The following TDRD6 variants were observed in gnomAD, a reference collection of about 807,000 sequenced individuals.
The protein encoded by TDRD6 is tudor domain containing 6, also known as tudor domain-containing protein 6.
TDRD6 carries 186 observed loss-of-function variants against 157.5 expected under a neutral mutation model. That is an observed-to-expected ratio of 1.18 (90% CI 1.05 to 1.33). The LOEUF (loss-of-function observed/expected upper bound fraction) is 1.33, where lower values mean the gene tolerates loss of function less well. Ranked by LOEUF, TDRD6 falls within the 40% of genes most tolerant of loss-of-function variation. TDRD6 has a pLI of 0.00. For synonymous variants in TDRD6, 1,075 were observed against 945.2 expected (o/e 1.14, Z -2.52); for missense variants, 3,066 against 2,508.0 (o/e 1.22, Z -4.75).
At chr6:46,697,902 A>AATG (rs1331912885) in intron 2 of TDRD6, 96 bp from the exon 3 acceptor site, 5 of 600,308 alleles carry the variant, frequency 8.3e-6, no homozygotes, top group Non-Finnish European at 1.4e-5. Context: ...TAATAATAAT[A>AATG]ATAATAGTAT....
rs768337704 is a variant in TDRD6, at chr6:46,688,476, CAG to C, written c.353_354del (p.Glu118ValfsTer41). 5.2e-6 allele frequency: 8 copies of C among 1,549,038 alleles called. No individual in the cohort carries two copies. Among genetic ancestry groups the C allele is most frequent in the African/African-American group, 4.1e-5 (3 of 73,384 alleles). The part of the protein sequence containing the change: ...AGAGSLAPGR[R>X]EFFNLPSEVL... ...GAGCAGGCTCGCTGGCGCCTGGGCG[CAG>C]AGAGTTCTTCAATTTGCCCTCGGAA... On this transcript the variant is annotated frameshift_variant, in exon 1 of 4. Coordinates refer to ENST00000316081, the MANE Select transcript of TDRD6 (RefSeq NM_001010870.3). LOFTEE classifies it high-confidence loss of function.
intron 3 of TDRD6, among the ~76,000 whole-genome samples, chr6:46,700,481 C>T (rs1764597425): frequency 6.6e-6 from 1 of 151,880 alleles, no homozygotes; most frequent in African/African-American, 2.4e-5. Flanking sequence ...ATCTAGGAAT[C>T]TAATTACTTT....
In TDRD6 at chr6:46,692,074, G is replaced by A. The variant is rs757292268; in HGVS notation, c.3946G>A (p.Asp1316Asn). Residue 1316 changes from aspartate to asparagine, a missense_variant, in exon 1 of 4, where the codon GAC becomes AAC. Asp to Asn is a conservative substitution (Grantham distance 23). Transcript: ENST00000316081. ...KTTVYVSHIN[D>N]LSDFYVQLIE... ...AACTGTATATGTTTCTCATATAAAT[G>A]ACCTTTCAGACTTTTATGTTCAACT... is the stretch of plus-strand genomic sequence containing the variant. 1 of 1,612,630 alleles carries A rather than the reference G, an allele frequency of 6.2e-7. No individual in the cohort carries two copies. The highest frequency in any genetic ancestry group is 8.5e-7 in the Non-Finnish European group (1 of 1,179,468).
In TDRD6 at chr6:46,688,777, A is replaced by G. The variant is rs757824400; in HGVS notation, c.649A>G (p.Thr217Ala). 10 of 1,608,160 alleles carry G rather than the reference A, an allele frequency of 6.2e-6. No individual in the cohort carries two copies. The highest frequency in any genetic ancestry group is 8.5e-6 in the Non-Finnish European group (10 of 1,179,892). Residue 217 changes from threonine (T) to alanine (A), a missense_variant, in exon 1 of 4, where the codon ACT becomes GCT. Transcript: ENST00000316081. ...GCTGGAGCGCTATCTCACAGCGGCC[A>G]CTGCTAGCGTGGGCTCCGGGGTCCC... ...SLLERYLTAA[T>A]ASVGSGVPVL...
chr6:46,694,589 A>G (rs1335692023), intron 1 of TDRD6, among the ~76,000 whole-genome samples: 2 of 152,250 alleles, frequency 1.3e-5, no homozygotes, highest in Non-Finnish European at 2.9e-5. Flanking sequence ...AAAAACCTGG[A>G]AAGTGAATCA....
chr6:46,696,757 G>A (rs1283098225), intron 2 of TDRD6, among the ~76,000 whole-genome samples: 2 of 148,724 alleles, frequency 1.3e-5, no homozygotes, highest in South Asian at 2.2e-4. Flanking sequence ...GACTACAGGC[G>A]CCCACCACGA....
In TDRD6 at chr6:46,701,898, A is replaced by G. The variant is rs774670939; in HGVS notation, c.*11A>G. On this transcript the variant is annotated 3_prime_UTR_variant, in exon 4 of 4. Coordinates refer to ENST00000316081, the MANE Select transcript of TDRD6 (RefSeq NM_001010870.3). Reference sequence around the variant, plus strand: ...GTGATGGAGATTTAACCGTGGATCTATAGCTGTGGCCAATCAGTCAGAAGC... The same window carrying G: ...GTGATGGAGATTTAACCGTGGATCTGTAGCTGTGGCCAATCAGTCAGAAGC... 1.6e-5 allele frequency: 26 copies of G among 1,611,866 alleles called. No homozygotes were observed. Among genetic ancestry groups the G allele is most frequent in the Non-Finnish European group, 2.0e-5 (23 of 1,178,506 alleles).
chr6:46,688,412 GTGTCTT>G lies in TDRD6; in HGVS notation c.285_290del (p.Val96_Phe97del), dbSNP rs1764179385. On this transcript the variant is annotated inframe_deletion, in exon 1 of 4. Coordinates refer to ENST00000316081, the MANE Select transcript of TDRD6 (RefSeq NM_001010870.3). ...GTCAGCCGGCAGGCACAGGAGAGCC[GTGTCTT>G]CCTGCTGGACGAGGGCCGCACCATC... is the stretch of plus-strand genomic sequence containing the variant. 1.9e-6 allele frequency: 3 copies of G among 1,539,406 alleles called. No homozygotes were observed. In the South Asian group the frequency reaches 3.6e-5, roughly 18 times the overall value.
At chr6:46,682,359 T>G in the TDRD6 span, among the ~76,000 whole-genome samples, 1 of 152,000 alleles carries the variant, frequency 6.6e-6, no homozygotes, top group Admixed American at 6.6e-5. Context: ...CTCATCTTGA[T>G]AAAAAGGATC....
In TDRD6 at chr6:46,693,443, A is replaced by G; in HGVS notation, c.5315A>G (p.Lys1772Arg). 6.2e-7 allele frequency: 1 copy of G among 1,614,100 alleles called. No homozygotes were observed. The highest frequency in any genetic ancestry group is 8.5e-7 in the Non-Finnish European group (1 of 1,180,022). ...GTKPSNFRDP[K>R]TDNICEGFEN... ...AAACCAAGTAACTTCCGTGACCCTA[A>G]AACTGATAACATTTGTGAAGGGTTT... is the stretch of plus-strand genomic sequence containing the variant. The change falls in exon 1 of 4, where the codon AAA (lysine) becomes AGA (arginine). Residue 1772 changes from lysine to arginine, a missense_variant. Lys to Arg is a conservative substitution (Grantham distance 26). Coordinates refer to ENST00000316081, the MANE Select transcript of TDRD6 (RefSeq NM_001010870.3).
intron 1 of TDRD6, among the ~76,000 whole-genome samples, chr6:46,694,687 A>G (rs527560413): frequency 6.6e-6 from 1 of 152,366 alleles, no homozygotes; most frequent in East Asian, 1.9e-4. Flanking sequence ...ACACTGAAAT[A>G]TTAGTTTTGT....
Position 46,694,095 on chromosome 6 carries a change from G to T in TDRD6, c.5967G>T (p.Ser1989=), listed in dbSNP as rs139947735. 611 of 1,610,130 alleles carry T rather than the reference G, an allele frequency of 3.8e-4. 1 individual carries two copies. In the African/African-American group the frequency reaches 6.7e-3, roughly 18 times the overall value. The change falls in exon 1 of 4, where the codon TCG becomes TCT. Residue 1989 remains serine, a synonymous_variant. Coordinates refer to ENST00000316081, the MANE Select transcript of TDRD6 (RefSeq NM_001010870.3). ...FVEYKNRDAI[S]ALMPLFSEEE... is the part of the protein sequence containing the mutation. ...AGTATAAAAACAGGGATGCCATTTC[G>T]GCATTGATGCCTTTGTTCTCTGAGG...
In TDRD6 at chr6:46,693,590, C is replaced by T. The variant is rs1582547953; in HGVS notation, c.5462C>T (p.Pro1821Leu). ...YLITGFNTLL[P>L]HANETKEILE... ...ATTACAGGATTTAACACATTACTAC[C>T]ACATGCTAATGAAACAAAGGAGATA... The change falls in exon 1 of 4, where the codon CCA (proline) becomes CTA (leucine). Residue 1821 changes from proline (P) to leucine (L), a missense_variant. Physicochemically the swap from Pro to Leu is moderately conservative, Grantham distance 98. Transcript: ENST00000316081. The T allele has an allele frequency of 5.6e-6, 9 of 1,614,150 alleles. No homozygotes were observed. Among genetic ancestry groups the T allele is most frequent in the Middle Eastern group, 3.3e-4 (2 of 6,062 alleles).
At chr6:46,684,620 T>A (rs1366964064), upstream of TDRD6, among the ~76,000 whole-genome samples, 1 of 152,174 alleles carries the variant, frequency 6.6e-6, no homozygotes, top group African/African-American at 2.4e-5. Context: ...AACCTTTTAC[T>A]ATTTTTTTTT....
chr6:46,683,789 G>A (rs1225274908), upstream of TDRD6, among the ~76,000 whole-genome samples: 2 of 151,920 alleles, frequency 1.3e-5, no homozygotes, highest in East Asian at 3.9e-4. Context: ...TCATATTTAA[G>A]TATAGTTCCA....
rs1270080686 is a variant in TDRD6, at chr6:46,688,704, G to A, written c.576G>A (p.Arg192=). 1.2e-6 allele frequency: 2 copies of A among 1,601,056 alleles called. No individual in the cohort carries two copies. Among genetic ancestry groups the A allele is most frequent in the Admixed American group, 3.3e-5 (2 of 60,016 alleles). ...TGCCTGATGTGTTCCAACAGATGCG[G>A]GAGCTGGGCCTGGCTCGGCGGGTGC... ...LEVPDVFQQM[R]ELGLARRVPD... The change falls in exon 1 of 4, where the codon CGG becomes CGA. Residue 192 remains arginine, a synonymous_variant. Transcript: ENST00000316081.
Position 46,691,872 on chromosome 6 carries a change from T to G in TDRD6, c.3744T>G (p.Ser1248Arg). 6.3e-7 allele frequency: 1 copy of G among 1,591,730 alleles called. No individual in the cohort carries two copies. The highest frequency in any genetic ancestry group is 8.5e-7 in the Non-Finnish European group (1 of 1,174,422). Residue 1248 changes from serine (S) to arginine (R), a missense_variant, in exon 1 of 4, where the codon AGT becomes AGG. Transcript: ENST00000316081. ...AAGACTCTGTGGGAAATAAAAATAG[T>G]CAAGTGTTTCCATTAACAACAGAAA... The part of the protein sequence containing the change: ...QYQDSVGNKN[S>R]QVFPLTTEKK...
intron 3 of TDRD6, 49 bp downstream of exon 3, chr6:46,698,136 T>G: frequency 2.2e-6 from 3 of 1,357,678 alleles, no homozygotes; most frequent in Non-Finnish European, 3.1e-6. Context: ...TTCTTCATTT[T>G]GAAAGGTGAT....
At chr6:46,694,237 C>G (rs1406433223) in intron 1 of TDRD6, 63 bp downstream of exon 1, 4 of 1,215,424 alleles carry the variant, frequency 3.3e-6, no homozygotes, top group Non-Finnish European at 4.5e-6. Context: ...GGGTCTTGCT[C>G]TGTCACCTAG....
Sources: allele counts gnomAD v4.1 joint callset (sites outside exome capture counted in the v4.1 genomes callset), GRCh38; gene constraint gnomAD v4.1.1; transcripts MANE v1.5; gene names NCBI Gene and HGNC (gene_info 2026-07-23, HGNC 2026-07-21).